The following MYH15 variants were observed in gnomAD, a reference collection of about 807,000 sequenced individuals.
The protein encoded by MYH15 is myosin-15.
MYH15 carries 227 observed loss-of-function variants against 240.5 expected under a neutral mutation model. The observed-to-expected ratio is 0.94, with a 90% CI of 0.85 to 1.05. The LOEUF (loss-of-function observed/expected upper bound fraction) is 1.05, where lower values mean the gene tolerates loss of function less well. Ranked by LOEUF, MYH15 falls within the 50% of genes least tolerant of loss-of-function variation. The probability of loss-of-function intolerance (pLI) is 0.00; values close to 1 mark genes in which losing one functional copy is unlikely to be tolerated. For missense variants in MYH15, 2,217 were observed against 2,247.5 expected (o/e 0.99, Z 0.27); for synonymous variants, 785 against 796.7 (o/e 0.99, Z 0.25).
rs7635009 is a variant in MYH15 at position 108,518,915 on chromosome 3, A to G, written c.-57-8328T>C. Among the ~76,000 whole-genome samples the G allele has an allele frequency of 0.14, 21,607 of 152,238 alleles. 1,836 individuals carry two copies. The highest frequency in any genetic ancestry group is 0.39 in the East Asian group (2,014 of 5,160). On this transcript the variant is annotated intron_variant, in intron 1 of 41. Coordinates refer to the MYH15 transcript ENST00000273353. ...TAATTGCCCATCTTCCTAATGAAACATAAGTAATCTGAGGGCAGGACTAGG... is the reference window on the plus strand; with the variant it reads ...TAATTGCCCATCTTCCTAATGAAACGTAAGTAATCTGAGGGCAGGACTAGG...
At chr3:108,536,725 C>T in the MYH15 span, among the ~76,000 whole-genome samples, 1 of 152,186 alleles carries the variant, frequency 6.6e-6, no homozygotes, top group Non-Finnish European at 1.5e-5. Context: ...TCTAAGCCCC[C>T]AAGTTTCCAA....
Position 108,415,185 on chromosome 3 carries a change from T to C in MYH15, c.3949-757A>G, listed in dbSNP as rs141462365. 3.0e-4 allele frequency among the ~76,000 whole-genome samples: 45 copies of C among 152,314 alleles called. 1 individual carries two copies. In the East Asian group the frequency reaches 8.5e-3, roughly 29 times the overall value. ...TGGTGATCTGGCTAACCTAGCAGCA[T>C]TATTCCCCAGAGATAATCTAGTGTG... On this transcript the variant is annotated intron_variant, in intron 29 of 40. Coordinates refer to ENST00000693548, the MANE Select transcript of MYH15 (RefSeq NM_014981.3).
intron 23 of MYH15, among the ~76,000 whole-genome samples, chr3:108,440,416 T>C (rs543439313): frequency 6.6e-6 from 1 of 152,170 alleles, no homozygotes; most frequent in South Asian, 2.1e-4. Context: ...AGGGAATCAA[T>C]AAAAATAAGA....
Position 108,381,376 on chromosome 3 carries a change from G to T in MYH15, c.*169C>A. 1 of 736,120 alleles carries T rather than the reference G, an allele frequency of 1.4e-6. No individual in the cohort carries two copies. The highest frequency in any genetic ancestry group is 2.3e-6 in the Non-Finnish European group (1 of 430,648). 45.6% of individuals were successfully genotyped at this position (736,120 alleles called of 1,614,324 possible). ...GGATCAAAAAATCCCCATTAACTGT[G>T]GAAGCAATGATATTCCCTTTAATTA... is the stretch of plus-strand genomic sequence containing the variant. On this transcript the variant is annotated 3_prime_UTR_variant, in exon 41 of 41. Coordinates refer to ENST00000693548, the MANE Select transcript of MYH15 (RefSeq NM_014981.3).
At chr3:108,529,338 C>A, upstream of MYH15, 1 of 1,324,846 alleles carries the variant, frequency 7.5e-7, no homozygotes, top group East Asian at 2.4e-5. Flanking sequence ...AATTGAGGAT[C>A]CGATGAGAGA....
At chr3:108,489,312 C>T (rs2083329249) in intron 9 of MYH15, among the ~76,000 whole-genome samples, 2 of 151,954 alleles carry the variant, frequency 1.3e-5, no homozygotes, top group Admixed American at 6.6e-5. Flanking sequence ...CTCTTGGTCA[C>T]TTACCATCAC....
intron 31 of MYH15, among the ~76,000 whole-genome samples, chr3:108,409,975 G>A (rs1008308715): frequency 2.6e-5 from 4 of 152,152 alleles, no homozygotes; most frequent in Non-Finnish European, 1.5e-5. Flanking sequence ...AGACCCACAA[G>A]GTACGTGGGA....
chr3:108,428,375 A>C, intron 27 of MYH15, 117 bp downstream of exon 27: 1 of 1,252,682 alleles, frequency 8.0e-7, no homozygotes, highest in South Asian at 1.5e-5. Flanking sequence ...TATAGTCTTC[A>C]TTAGAAAATA....
chr3:108,414,520 A>G (rs1233510888), intron 29 of MYH15, 92 bp from the exon 30 acceptor site: 6 of 1,127,142 alleles, frequency 5.3e-6, no homozygotes, highest in Non-Finnish European at 7.4e-6. Flanking sequence ...GGTAAGATTA[A>G]TAACAACCTG....
intron 29 of MYH15, among the ~76,000 whole-genome samples, chr3:108,415,863 GC>G (rs2082628965): frequency 6.6e-6 from 1 of 152,178 alleles, no homozygotes; most frequent in Non-Finnish European, 1.5e-5. Context: ...GATCAGGGGG[GC>G]TTGTAGGCCA....
upstream of MYH15, among the ~76,000 whole-genome samples, chr3:108,515,155 G>C (rs1231957147): frequency 6.6e-6 from 1 of 152,092 alleles, no homozygotes; most frequent in Non-Finnish European, 1.5e-5. Context: ...TATAAACCAG[G>C]CTTCAGTATC....
At chr3:108,545,387 A>C in the MYH15 span, among the ~76,000 whole-genome samples, 1 of 152,136 alleles carries the variant, frequency 6.6e-6, no homozygotes, top group Non-Finnish European at 1.5e-5. Context: ...AGGACATAAA[A>C]CTTTTTACTT....
intron 29 of MYH15, among the ~76,000 whole-genome samples, chr3:108,416,341 G>C (rs2082632364): frequency 6.6e-6 from 1 of 152,126 alleles, no homozygotes; most frequent in South Asian, 2.1e-4. Context: ...TCTCATGTTA[G>C]TCACTATGCT....
intron 27 of MYH15, among the ~76,000 whole-genome samples, chr3:108,427,568 T>C (rs998163463): frequency 6.6e-6 from 1 of 151,534 alleles, no homozygotes; most frequent in Non-Finnish European, 1.5e-5. Flanking sequence ...CAGTCTGTGG[T>C]ATTTCATTAC....
At chr3:108,414,809 C>T (rs187883464) in intron 29 of MYH15, among the ~76,000 whole-genome samples, 1 of 152,276 alleles carries the variant, frequency 6.6e-6, no homozygotes, top group Admixed American at 6.5e-5. Context: ...CCAGAAAGAA[C>T]CACTAAAATT....
At position 108,398,572 on chromosome 3, in the gene MYH15, C is replaced by G. The variant is rs2082479891; in HGVS notation, c.5133+65G>C. On this transcript the variant is annotated intron_variant, in intron 35 of 40. Coordinates refer to ENST00000693548, the MANE Select transcript of MYH15 (RefSeq NM_014981.3). ...GACTGTGCATGGTCCAAGGCCGCCC[C>G]AAGTGTGGGAACCACTGCCTTCAAC... 3 of 1,538,768 alleles carry G rather than the reference C, an allele frequency of 1.9e-6. No individual in the cohort carries two copies. In the Admixed American group the frequency reaches 5.0e-5, roughly 26 times the overall value.
At chr3:108,510,134 TTGTC>T (rs2083510559) in intron 1 of MYH15, among the ~76,000 whole-genome samples, 1 of 152,166 alleles carries the variant, frequency 6.6e-6, no homozygotes, top group East Asian at 1.9e-4. Flanking sequence ...AGGAAAGGCT[TTGTC>T]TGGCCATTCC....
At position 108,388,961 on chromosome 3, in the gene MYH15, C is replaced by T. The variant is rs556756392; in HGVS notation, c.5535+9G>A. ...AGCCAGACAAACAGGGAATGGTTTCCTGGAGTACCTGATAGGTCAGCTCTT... is the reference window on the plus strand; with the variant it reads ...AGCCAGACAAACAGGGAATGGTTTCTTGGAGTACCTGATAGGTCAGCTCTT... On this transcript the variant is annotated intron_variant, in intron 38 of 40. Coordinates refer to ENST00000693548, the MANE Select transcript of MYH15 (RefSeq NM_014981.3). The T allele has an allele frequency of 1.9e-6, 3 of 1,612,094 alleles. No individual in the cohort carries two copies. Among genetic ancestry groups the T allele is most frequent in the African/African-American group, 2.7e-5 (2 of 74,926 alleles).
the MYH15 span, among the ~76,000 whole-genome samples, chr3:108,547,789 A>C: frequency 8.5e-5 from 13 of 152,302 alleles, no homozygotes; most frequent in Admixed American, 2.6e-4. Flanking sequence ...TTGGCAACCA[A>C]CCATCAAATT....
Sources: gnomAD v4.1 joint callset for allele counts (sites outside exome capture counted in the v4.1 genomes callset) on GRCh38, gnomAD v4.1.1 for gene constraint, MANE v1.5 for transcripts, NCBI Gene and HGNC (gene_info 2026-07-23, HGNC 2026-07-21) for gene names.